The following RPS6KA1 variants were observed in gnomAD, a reference collection of about 807,000 sequenced individuals.
RPS6KA1 encodes the protein ribosomal protein S6 kinase A1.
RPS6KA1 carries 48 observed loss-of-function variants against 91.3 expected under a neutral mutation model. That is an observed-to-expected ratio of 0.53 (90% CI 0.42 to 0.67). The LOEUF (loss-of-function observed/expected upper bound fraction) is 0.67, where lower values mean the gene tolerates loss of function less well. Ranked by LOEUF, RPS6KA1 falls within the 30% of genes least tolerant of loss-of-function variation. The pLI is 0.00. For missense variants in RPS6KA1, 719 were observed against 960.5 expected, an observed-to-expected ratio of 0.75 and a Z score of 3.32; for synonymous variants, 359 against 384.7, an observed-to-expected ratio of 0.93 and a Z score of 0.78.
chr1:26,557,143 A>C, intron 13 of RPS6KA1, 43 bp downstream of exon 13: 1 of 1,533,626 alleles, frequency 6.5e-7, no homozygotes, highest in South Asian at 1.1e-5. Context: ...CTGGTACAGG[A>C]GGGAAGCCGG....
chr1:26,569,774 G>A (rs2076234383), intron 17 of RPS6KA1, among the ~76,000 whole-genome samples: 1 of 152,242 alleles, frequency 6.6e-6, no homozygotes, highest in Admixed American at 6.5e-5. Flanking sequence ...TGCACTGGGT[G>A]CTGAAGGTGA....
intron 17 of RPS6KA1, among the ~76,000 whole-genome samples, chr1:26,567,554 T>C (rs1373447182): frequency 6.6e-6 from 1 of 152,166 alleles, no homozygotes; most frequent in Non-Finnish European, 1.5e-5. Flanking sequence ...CTAACTTTTG[T>C]ATTTTTAGTA....
rs533817888 is a variant in RPS6KA1, at chr1:26,558,870, C to T, written c.1148C>T (p.Ala383Val). Residue 383 changes from alanine to valine, a missense_variant, in exon 14 of 22, where the codon GCC becomes GTC. This residue lies in a region of RPS6KA1 where 228 missense variants were observed against 247.6 expected (regional missense o/e 0.92). Transcript: ENST00000374168. The surrounding 1 kb of genome is among the most constrained non-coding windows in gnomAD (Gnocchi z 4.0). Reference protein sequence around the residue: ...HQLFRGFSFVATGLMEDDGKP... With the variant: ...HQLFRGFSFVVTGLMEDDGKP... ...CTGTTCCGGGGCTTCAGCTTCGTGGCCACCGGCCTGATGGAAGACGACGGC... is the reference window on the plus strand; with the variant it reads ...CTGTTCCGGGGCTTCAGCTTCGTGGTCACCGGCCTGATGGAAGACGACGGC... The T allele has an allele frequency of 1.9e-6, 3 of 1,613,892 alleles. No homozygotes were observed. The Admixed American group carries it at 5.0e-5, about 27-fold the overall frequency.
intron 17 of RPS6KA1, among the ~76,000 whole-genome samples, chr1:26,570,754 CAAATT>C (rs2076242074): frequency 6.6e-6 from 1 of 152,118 alleles, no homozygotes; most frequent in African/African-American, 2.4e-5. Context: ...ACTCAGAAAA[CAAATT>C]AAATATTATG....
At position 26,558,020 on chromosome 1, in the gene RPS6KA1, G is replaced by T. The variant is rs2076120330; in HGVS notation, c.1085-787G>T. ...ATTTTTGTATTTTTAGTAGAGACGG[G>T]GTTTCACCATGTTGGCCAGGCTGGT... On this transcript the variant is annotated intron_variant, in intron 13 of 21. Coordinates refer to ENST00000374168, the MANE Select transcript of RPS6KA1 (RefSeq NM_002953.4). This position sits in a 1 kb window ranked among gnomAD's most constrained non-coding sequence, Gnocchi z 4.0. 6.6e-6 allele frequency among the ~76,000 whole-genome samples: 1 copy of T among 151,810 alleles called. No homozygotes were observed. Among genetic ancestry groups the T allele is most frequent in the Non-Finnish European group, 1.5e-5 (1 of 67,982 alleles).
Position 26,574,636 on chromosome 1 carries a change from G to T in RPS6KA1, c.*435G>T. The T allele has an allele frequency of 2.7e-6, 1 of 367,580 alleles. No individual in the cohort carries two copies. The highest frequency in any genetic ancestry group is 2.0e-5 in the South Asian group (1 of 48,846). The allele number at this position is 367,580 out of a possible 1,614,324, so 22.8% of individuals were successfully genotyped here. A position where few individuals can be genotyped will look rare whatever the true frequency, so the allele number is the denominator to read the frequency against. The stretch of plus-strand genomic sequence containing the variant: ...TGTAGCCATCTGCACACACCTCCGA[G>T]ACAGTCCAGTGTCACCTCTCTCAGA... On this transcript the variant is annotated 3_prime_UTR_variant, in exon 22 of 22. Coordinates refer to ENST00000374168, the MANE Select transcript of RPS6KA1 (RefSeq NM_002953.4). The surrounding 1 kb of genome is among the most constrained non-coding windows in gnomAD (Gnocchi z 4.3).
intron 2 of RPS6KA1, among the ~76,000 whole-genome samples, chr1:26,538,543 A>G (rs556587683): frequency 1.3e-5 from 2 of 152,312 alleles, no homozygotes; most frequent in South Asian, 4.1e-4. Flanking sequence ...TGGAGTCTCG[A>G]ATGCCACTTA....
rs199860173 is a variant in RPS6KA1 at position 26,561,607 on chromosome 1, G to A, written c.1534G>A (p.Ala512Thr). Residue 512 changes from alanine (A) to threonine (T), a missense_variant, in exon 17 of 22, where the codon GCC (alanine) becomes ACC (threonine). Ala to Thr is a moderately conservative substitution (Grantham distance 58). Transcript: ENST00000374168. The surrounding 1 kb of genome is among the most constrained non-coding windows in gnomAD (Gnocchi z 5.7). ...GCAGAAGTTCTTCTCAGAGCGGGAG[G>A]CCAGCTTTGTCCTGCACACCATTGG... ...LRQKFFSERE[A>T]SFVLHTIGKT... 6.2e-7 allele frequency: 1 copy of A among 1,613,920 alleles called. No homozygotes were observed. Among genetic ancestry groups the A allele is most frequent in the East Asian group, 2.2e-5 (1 of 44,880 alleles).
rs1486947938 is a variant in RPS6KA1, at chr1:26,573,209, C to T, written c.1948-15C>T. ...TGCAGCCCTCCCCCAACCCCCTTGCCCACTGTGTCCCCAGGACCTGGTGTC... is the reference window on the plus strand; with the variant it reads ...TGCAGCCCTCCCCCAACCCCCTTGCTCACTGTGTCCCCAGGACCTGGTGTC... On this transcript the variant is annotated splice_polypyrimidine_tract_variant and intron_variant, in intron 20 of 21. Coordinates refer to ENST00000374168, the MANE Select transcript of RPS6KA1 (RefSeq NM_002953.4). 2.5e-6 allele frequency: 4 copies of T among 1,613,228 alleles called. No individual in the cohort carries two copies. The highest frequency in any genetic ancestry group is 3.4e-6 in the Non-Finnish European group (4 of 1,179,708).
At chr1:26,569,436 A>G (rs1190236992) in intron 17 of RPS6KA1, among the ~76,000 whole-genome samples, 2 of 151,952 alleles carry the variant, frequency 1.3e-5, no homozygotes, top group African/African-American at 4.8e-5. Flanking sequence ...TGAAGGAGGG[A>G]GCCCACGGGA....
chr1:26,537,102 C>A, intron 2 of RPS6KA1, 133 bp downstream of exon 2: 2 of 892,784 alleles, frequency 2.2e-6, no homozygotes, highest in Non-Finnish European at 3.6e-6. Flanking sequence ...CCCACCGAAT[C>A]CTTGTGGCAA....
Position 26,554,369 on chromosome 1 carries a change from A to G in RPS6KA1, c.613+118A>G. 8.1e-7 allele frequency: 1 copy of G among 1,232,580 alleles called. No individual in the cohort carries two copies. Among genetic ancestry groups the G allele is most frequent in the Admixed American group, 2.4e-5 (1 of 41,838 alleles). 76.4% of individuals were successfully genotyped at this position (1,232,580 alleles called of 1,614,324 possible). ...CGAGAAGCCGTGCCAGTTACTTGGA[A>G]GTGGTCAAAAACTCAGGCCTCAGAC... On this transcript the variant is annotated intron_variant, in intron 8 of 21. Coordinates refer to ENST00000374168, the MANE Select transcript of RPS6KA1 (RefSeq NM_002953.4). This position sits in a 1 kb window ranked among gnomAD's most constrained non-coding sequence, Gnocchi z 4.6.
chr1:26,567,398 T>C (rs905334076), intron 17 of RPS6KA1, among the ~76,000 whole-genome samples: 7 of 152,066 alleles, frequency 4.6e-5, no homozygotes, highest in Admixed American at 3.9e-4. Flanking sequence ...TTGTTTGTTT[T>C]GAGACGGAGT....
chr1:26,546,000 G>T, intron 2 of RPS6KA1: 2 of 1,611,900 alleles, frequency 1.2e-6, no homozygotes, highest in Non-Finnish European at 1.7e-6. Flanking sequence ...CTCTCTGCCT[G>T]TCCCTGGCCC....
chr1:26,568,861 G>T (rs983530399), intron 17 of RPS6KA1, among the ~76,000 whole-genome samples: 4 of 152,078 alleles, frequency 2.6e-5, no homozygotes, highest in African/African-American at 9.7e-5. Context: ...GTCAGAACTG[G>T]GTTCTGGTCT....
chr1:26,572,660 GGA>G (rs1239726582), intron 20 of RPS6KA1, among the ~76,000 whole-genome samples: 1 of 152,190 alleles, frequency 6.6e-6, no homozygotes, highest in African/African-American at 2.4e-5. Flanking sequence ...TGTGGACCGT[GGA>G]GACACAGAGC....
chr1:26,546,915 G>A lies in RPS6KA1; in HGVS notation c.157G>A (p.Gly53Ser), dbSNP rs2075999736. The A allele has an allele frequency of 1.9e-6, 3 of 1,614,180 alleles. No individual in the cohort carries two copies. The highest frequency in any genetic ancestry group is 2.5e-6 in the Non-Finnish European group (3 of 1,180,032). The change falls in exon 3 of 22, where the codon GGC (glycine) becomes AGC (serine). Residue 53 changes from glycine to serine, a missense_variant. Gly to Ser is a moderately conservative substitution (Grantham distance 56). Transcript: ENST00000374168. Reference sequence around the variant, plus strand: ...CTCCATCACGCACCACGTCAAGGCTGGCTCTGAGAAGGCTGATCCATCCCA... The same window carrying A: ...CTCCATCACGCACCACGTCAAGGCTAGCTCTGAGAAGGCTGATCCATCCCA... ...EISITHHVKA[G>S]SEKADPSHFE...
intron 17 of RPS6KA1, among the ~76,000 whole-genome samples, chr1:26,563,805 G>A (rs72879017): frequency 3.9e-5 from 6 of 152,018 alleles, no homozygotes; most frequent in African/African-American, 9.7e-5. Context: ...CAGTTTTTTG[G>A]GGGGGATGGG....
In RPS6KA1 at chr1:26,555,073, GA is replaced by G; in HGVS notation, c.757-77del. On this transcript the variant is annotated intron_variant, in intron 9 of 21. Coordinates refer to ENST00000374168, the MANE Select transcript of RPS6KA1 (RefSeq NM_002953.4). The surrounding 1 kb of genome is among the most constrained non-coding windows in gnomAD (Gnocchi z 4.3). Reference sequence around the variant, plus strand: ...CAGCAAGAATCCTGGGACTGGGGCAGAGGGGTCTGACTGGGAGGAGGCGGGA... The same window carrying G: ...CAGCAAGAATCCTGGGACTGGGGCAGGGGGTCTGACTGGGAGGAGGCGGGA... The G allele has an allele frequency of 7.2e-7, 1 of 1,382,080 alleles. No homozygotes were observed. Among genetic ancestry groups the G allele is most frequent in the Non-Finnish European group, 1.0e-6 (1 of 977,634 alleles). 85.6% of individuals were successfully genotyped at this position (1,382,080 alleles called of 1,614,324 possible).
Sources: gnomAD v4.1 joint callset for allele counts (sites outside exome capture counted in the v4.1 genomes callset) on GRCh38, gnomAD v4.1.1 for gene constraint, gnomAD v4.1.1 regional missense constraint, Gnocchi (gnomAD v3.1) non-coding constraint, MANE v1.5 for transcripts, NCBI Gene and HGNC (gene_info 2026-07-23, HGNC 2026-07-21) for gene names.